MARCHF1: variants seen among roughly 807,000 people sequenced by gnomAD.
MARCHF1 encodes E3 ubiquitin-protein ligase MARCHF1.
A neutral mutation model predicts 54.2 loss-of-function variants in MARCHF1; 40 were observed. That is an observed-to-expected ratio of 0.74 (90% confidence interval 0.57 to 0.96). The LOEUF (loss-of-function observed/expected upper bound fraction) is 0.96. Among genes scored for constraint, MARCHF1 ranks in the 40% least tolerant of loss-of-function variants. MARCHF1 has a pLI of 0.00. For missense variants in MARCHF1, 586 were observed against 656.5 expected, an observed-to-expected ratio of 0.89 and a Z score of 1.17; for synonymous variants, 236 against 236.3, an observed-to-expected ratio of 1.00 and a Z score of 0.01.
intron 4 of MARCHF1, among the ~76,000 whole-genome samples, chr4:163,742,332 T>G (rs1307328819): frequency 6.9e-6 from 1 of 144,196 alleles, no homozygotes. Flanking sequence ...CTCCCTCCCT[T>G]TCCCTCCCTC....
At chr4:163,756,141 T>A (rs1327516393) in intron 4 of MARCHF1, among the ~76,000 whole-genome samples, 1 of 152,208 alleles carries the variant, frequency 6.6e-6, no homozygotes, top group Non-Finnish European at 1.5e-5. Flanking sequence ...TACTTTCACA[T>A]ACAGTTTCTG....
intron 1 of MARCHF1, among the ~76,000 whole-genome samples, chr4:164,316,203 G>T (rs939633830): frequency 6.6e-6 from 1 of 152,156 alleles, no homozygotes; most frequent in African/African-American, 2.4e-5. Context: ...TGGAAGTCAG[G>T]TTTACCCACT....
At chr4:164,005,791 T>C (rs952490187) in intron 2 of MARCHF1, among the ~76,000 whole-genome samples, 3 of 152,106 alleles carry the variant, frequency 2.0e-5, no homozygotes, top group African/African-American at 7.2e-5. Flanking sequence ...CAGCACCACA[T>C]TGTAGGAGTT....
chr4:163,780,709 G>A (rs1747440080), intron 4 of MARCHF1, among the ~76,000 whole-genome samples: 1 of 152,220 alleles, frequency 6.6e-6, no homozygotes, highest in African/African-American at 2.4e-5. Context: ...TAGGTGGCCA[G>A]TGAGTGAACT....
chr4:163,577,609 T>C (rs1434158582), intron 8 of MARCHF1, among the ~76,000 whole-genome samples: 1 of 152,050 alleles, frequency 6.6e-6, no homozygotes, highest in East Asian at 1.9e-4. Flanking sequence ...GAATTTCTTG[T>C]ATCTGGATGT....
At chr4:163,653,140 G>A (rs1743025390) in intron 5 of MARCHF1, among the ~76,000 whole-genome samples, 1 of 151,842 alleles carries the variant, frequency 6.6e-6, no homozygotes, top group Non-Finnish European at 1.5e-5. Flanking sequence ...AGAGGCAACT[G>A]AAGTCAGGGA....
intron 3 of MARCHF1, among the ~76,000 whole-genome samples, chr4:163,924,949 G>A (rs1225911401): frequency 1.3e-5 from 2 of 151,712 alleles, no homozygotes; most frequent in Non-Finnish European, 3.0e-5. Context: ...TATGCATACA[G>A]GAATAAAATA....
At chr4:164,296,143 G>A (rs769439741) in intron 1 of MARCHF1, among the ~76,000 whole-genome samples, 1 of 152,078 alleles carries the variant, frequency 6.6e-6, no homozygotes, top group Admixed American at 6.6e-5. Flanking sequence ...AACTTAAAAA[G>A]TAATTAGTAA....
At chr4:163,907,213 A>G (rs1751090527) in intron 3 of MARCHF1, among the ~76,000 whole-genome samples, 1 of 152,032 alleles carries the variant, frequency 6.6e-6, no homozygotes, top group African/African-American at 2.4e-5. Context: ...TGTATCCTAT[A>G]TTTCTATTGT....
chr4:164,288,764 C>T (rs1263546073), intron 1 of MARCHF1, among the ~76,000 whole-genome samples: 1 of 152,078 alleles, frequency 6.6e-6, no homozygotes, highest in East Asian at 1.9e-4. Context: ...CTACTCGACA[C>T]ATGAGTGGGA....
intron 7 of MARCHF1, among the ~76,000 whole-genome samples, chr4:163,596,597 T>C (rs1156908238): frequency 2.0e-5 from 3 of 151,086 alleles, no homozygotes; most frequent in Non-Finnish European, 4.4e-5. Context: ...TGAGCATTTG[T>C]TTGTCCCCAC....
At chr4:164,370,625 A>C (rs2102296) in intron 1 of MARCHF1, among the ~76,000 whole-genome samples, 102,852 of 152,146 alleles carry the variant, frequency 0.68, 34,982 homozygotes, top group Admixed American at 0.73. Context: ...AAAGCAAATT[A>C]TGGCTGGGCA....
At chr4:164,269,457 T>G (rs1733690473) in intron 1 of MARCHF1, among the ~76,000 whole-genome samples, 1 of 152,114 alleles carries the variant, frequency 6.6e-6, no homozygotes, top group Non-Finnish European at 1.5e-5. Flanking sequence ...TTGCATAGAC[T>G]TCTTTTTGTC....
At chr4:164,033,939 A>T (rs1335123964) in intron 2 of MARCHF1, among the ~76,000 whole-genome samples, 1 of 152,182 alleles carries the variant, frequency 6.6e-6, no homozygotes, top group Non-Finnish European at 1.5e-5. Flanking sequence ...TACCCAAAGG[A>T]ATATAAATCA....
chr4:163,527,521 GA>G lies in MARCHF1; in HGVS notation c.*1226del, dbSNP rs34289707. On this transcript the variant is annotated 3_prime_UTR_variant, in exon 10 of 10. Coordinates refer to ENST00000514618, the MANE Select transcript of MARCHF1 (RefSeq NM_001394959.1). The stretch of plus-strand genomic sequence containing the variant: ...TTCACAACTCTGCTATAGGCAGATT[GA>G]TTGTTTTATCTTTCTATACTTTTGG... 1 of 53,504 alleles carries G rather than the reference GA, an allele frequency of 1.9e-5. No homozygotes were observed. Among genetic ancestry groups the G allele is most frequent in the South Asian group, 4.7e-4 (1 of 2,108 alleles). 3.3% of individuals were successfully genotyped at this position (53,504 alleles called of 1,614,324 possible). A position where few individuals can be genotyped will look rare whatever the true frequency, so the allele number is the denominator to read the frequency against.
At chr4:164,086,836 G>A (rs1361622458) in intron 2 of MARCHF1, among the ~76,000 whole-genome samples, 3 of 152,050 alleles carry the variant, frequency 2.0e-5, no homozygotes, top group Non-Finnish European at 4.4e-5. Flanking sequence ...GATAGATGGT[G>A]TCTTGAGAGG....
intron 5 of MARCHF1, among the ~76,000 whole-genome samples, 171 bp downstream of exon 5, chr4:163,700,642 C>A (rs112979727): frequency 6.6e-6 from 1 of 151,974 alleles, no homozygotes; most frequent in African/African-American, 2.4e-5. Flanking sequence ...TATTTTCTTG[C>A]GTAAAATCAT....
intron 4 of MARCHF1, among the ~76,000 whole-genome samples, chr4:163,815,868 CA>C (rs1397337620): frequency 6.6e-6 from 1 of 152,040 alleles, no homozygotes; most frequent in Non-Finnish European, 1.5e-5. Flanking sequence ...ACCAACCAAC[CA>C]AATGAACATA....
At chr4:164,047,055 A>G (rs1180860522) in intron 2 of MARCHF1, among the ~76,000 whole-genome samples, 2 of 152,236 alleles carry the variant, frequency 1.3e-5, no homozygotes. Context: ...AAGTGTCATT[A>G]TGTATAAATA....
Sources: allele counts gnomAD v4.1 joint callset (sites outside exome capture counted in the v4.1 genomes callset), GRCh38; gene constraint gnomAD v4.1.1; transcripts MANE v1.5; gene names NCBI Gene and HGNC (gene_info 2026-07-23, HGNC 2026-07-21).